ZNF737: variants seen among roughly 807,000 people sequenced by gnomAD.
ZNF737 encodes the protein zinc finger protein 102 (Y3).
ZNF737 carries 13 observed loss-of-function variants against 11.7 expected under a neutral mutation model. The observed-to-expected ratio is 1.11, with a 90% CI of 0.73 to 1.77. The LOEUF (loss-of-function observed/expected upper bound fraction) is 1.77, where lower values mean the gene tolerates loss of function less well. ZNF737 is among the 40% of genes most tolerant of loss of function. The pLI is 0.00. For missense variants in ZNF737, 636 were observed against 638.0 expected (o/e 1.00, Z 0.03); for synonymous variants, 217 against 216.2 (o/e 1.00, Z -0.03).
At chr19:20,530,856 C>A (rs1555752636), downstream of ZNF737, among the ~76,000 whole-genome samples, 1 of 148,316 alleles carries the variant, frequency 6.7e-6, no homozygotes. Context: ...AATCTCTGCA[C>A]TTTGGGGGGC....
chr19:20,552,418 T>C, intron 3 of ZNF737, 57 bp downstream of exon 3: 1 of 1,307,644 alleles, frequency 7.6e-7, no homozygotes. Context: ...GCTTTCTCTT[T>C]GACTTTGGGA....
rs1279195381 is a variant in ZNF737 at position 20,541,196 on chromosome 19, AATAAC to A, written c.*3391_*3395del. ...AGTGTTTAGTTTTGTTAATCACCTA[AATAAC>A]ATAATTTGTTTTGTTGCAGTAATTG... On this transcript the variant is annotated 3_prime_UTR_variant, in exon 4 of 4. Coordinates refer to ENST00000427401, the MANE Select transcript of ZNF737 (RefSeq NM_001159293.2). 1.2e-5 allele frequency: 12 copies of A among 982,988 alleles called. No homozygotes were observed. The highest frequency in any genetic ancestry group is 1.4e-5 in the Non-Finnish European group (12 of 827,898). 60.9% of individuals were successfully genotyped at this position (982,988 alleles called of 1,614,324 possible).
intron 1 of ZNF737, among the ~76,000 whole-genome samples, chr19:20,565,355 A>G (rs1555763531): frequency 6.6e-6 from 1 of 152,148 alleles, no homozygotes; most frequent in African/African-American, 2.4e-5. Flanking sequence ...TGGTCCCTGC[A>G]CATTCTGGGA....
chr19:20,560,908 G>A (rs1369421901), intron 1 of ZNF737, among the ~76,000 whole-genome samples: 8 of 152,144 alleles, frequency 5.3e-5, no homozygotes, highest in African/African-American at 1.4e-4. Context: ...CAGACGCTGC[G>A]GCCTAGTTGA....
Position 20,544,391 on chromosome 19 carries a change from G to C in ZNF737, c.*201C>G, listed in dbSNP as rs918664709. On this transcript the variant is annotated 3_prime_UTR_variant, in exon 4 of 4. Transcript: ENST00000427401. ...TTATCTTATGTCTAGTAAGGGCAGA[G>C]GTGTCCTTAAAGGCTTTGCTGCATT... 2 of 1,428,590 alleles carry C rather than the reference G, an allele frequency of 1.4e-6. No individual in the cohort carries two copies. The highest frequency in any genetic ancestry group is 1.8e-6 in the Non-Finnish European group (2 of 1,097,654). 88.5% of individuals were successfully genotyped at this position (1,428,590 alleles called of 1,614,324 possible).
Position 20,545,525 on chromosome 19 carries a change from C to G in ZNF737, c.678G>C (p.Glu226Asp). The change falls in exon 4 of 4, where the codon GAG (glutamate) becomes GAC (aspartate). Residue 226 changes from glutamate (E) to aspartate (D), a missense_variant. By Grantham distance (45) the Glu-to-Asp change is conservative. Coordinates refer to ENST00000427401, the MANE Select transcript of ZNF737 (RefSeq NM_001159293.2). ...CACAGTCTTCACATTTGTACCGTTT[C>G]TCTCCAGTATGAATTCTCTTATGTG... ...LTTHKRIHTG[E>D]KRYKCEDCGK... 6.2e-7 allele frequency: 1 copy of G among 1,613,562 alleles called. No individual in the cohort carries two copies. The highest frequency in any genetic ancestry group is 2.2e-5 in the East Asian group (1 of 44,842).
chr19:20,560,501 C>G (rs1293353646), intron 1 of ZNF737, among the ~76,000 whole-genome samples: 1 of 151,960 alleles, frequency 6.6e-6, no homozygotes, highest in Non-Finnish European at 1.5e-5. Context: ...AATGCAGAGG[C>G]CTGGCGCAGT....
downstream of ZNF737, among the ~76,000 whole-genome samples, chr19:20,531,369 TG>T (rs1380074484): frequency 6.7e-6 from 1 of 149,960 alleles, no homozygotes; most frequent in Non-Finnish European, 1.5e-5. Context: ...TTATTCTATA[TG>T]GTGTATCTAT....
intron 2 of ZNF737, among the ~76,000 whole-genome samples, chr19:20,552,816 A>AG (rs1387306931): frequency 5.3e-5 from 8 of 152,102 alleles, no homozygotes; most frequent in Non-Finnish European, 1.0e-4. Flanking sequence ...GTTAGAGACC[A>AG]GCCTGGCCAG....
In ZNF737 at chr19:20,545,233, G is replaced by C. The variant is rs879969815; in HGVS notation, c.970C>G (p.His324Asp). 5 of 1,605,618 alleles carry C rather than the reference G, an allele frequency of 3.1e-6. No homozygotes were observed. The South Asian group carries it at 5.5e-5, about 18-fold the overall frequency. The change falls in exon 4 of 4, where the codon CAC becomes GAC. Residue 324 changes from histidine to aspartate, a missense_variant. Physicochemically the swap from His to Asp is moderately conservative, Grantham distance 81. Transcript: ENST00000427401. ...KCEECGKAFK[H>D]PSVLTTHKRI... is the part of the protein sequence containing the mutation. ...TTATGTGTAGTAAGGACAGAGGGGT[G>C]CTTAAAGGCTTTGCCACATTCTTCA... is the stretch of plus-strand genomic sequence containing the variant.
chr19:20,554,803 TA>T (rs1183708355), intron 1 of ZNF737, among the ~76,000 whole-genome samples: 7 of 152,262 alleles, frequency 4.6e-5, no homozygotes, highest in Admixed American at 2.6e-4. Context: ...AGGTATGTCC[TA>T]ATAAGTTTTT....
Position 20,542,824 on chromosome 19 carries a change from CAT to C in ZNF737, c.*1766_*1767del. 1 of 985,328 alleles carries C rather than the reference CAT, an allele frequency of 1.0e-6. No homozygotes were observed. The highest frequency in any genetic ancestry group is 1.2e-6 in the Non-Finnish European group (1 of 829,876). The allele number at this position is 985,328 out of a possible 1,614,324, so 61.0% of individuals were successfully genotyped here. ...TCTCTGATGCAGAAGCCACTGATCA[CAT>C]GCTTTCTCACATGTGAATAGAAATA... On this transcript the variant is annotated 3_prime_UTR_variant, in exon 4 of 4. Coordinates refer to ENST00000427401, the MANE Select transcript of ZNF737 (RefSeq NM_001159293.2).
chr19:20,531,028 C>G (rs1306608261), downstream of ZNF737, among the ~76,000 whole-genome samples: 1 of 147,716 alleles, frequency 6.8e-6, no homozygotes, highest in Non-Finnish European at 1.5e-5. Context: ...GAGCTGGAGA[C>G]TAGCCCGGCC....
chr19:20,549,177 A>G (rs1442679004), intron 3 of ZNF737, among the ~76,000 whole-genome samples: 1 of 152,206 alleles, frequency 6.6e-6, no homozygotes, highest in African/African-American at 2.4e-5. Flanking sequence ...ATATTTATAG[A>G]TAAATACACA....
rs533916660 is a variant in ZNF737 at position 20,544,666 on chromosome 19, C to G, written c.1537G>C (p.Glu513Gln). The change falls in exon 4 of 4, where the codon GAA (glutamate) becomes CAA (glutamine). Residue 513 changes from glutamate (E) to glutamine (Q), a missense_variant. Transcript: ENST00000427401. ...HTGEKPYKCE[E>Q]CGKGFKCPST... Reference sequence around the variant, plus strand: ...GGGCACTTAAAGCCTTTGCCACATTCTTCACATTTGTAGGGTTTCTCTCCA... The same window carrying G: ...GGGCACTTAAAGCCTTTGCCACATTGTTCACATTTGTAGGGTTTCTCTCCA... 10 of 1,609,064 alleles carry G rather than the reference C, an allele frequency of 6.2e-6. No homozygotes were observed. Among genetic ancestry groups the G allele is most frequent in the Non-Finnish European group, 8.5e-6 (10 of 1,177,758 alleles).
Position 20,552,481 on chromosome 19 carries a change from G to A in ZNF737, c.220C>T (p.Pro74Ser). Reference protein sequence around the residue: ...TMKKHEMVANPSVTCSHFARD... With the variant: ...TMKKHEMVANSSVTCSHFARD... ...CATTTTCACTTGCACCTACCTGAGG[G>A]GTTGGCTACCATCTCATGTTTCTTC... Residue 74 changes from proline (P) to serine (S), a missense_variant, in exon 3 of 4, where the codon CCC becomes TCC. Coordinates refer to ENST00000427401, the MANE Select transcript of ZNF737 (RefSeq NM_001159293.2). 1 of 1,586,228 alleles carries A rather than the reference G, an allele frequency of 6.3e-7. No individual in the cohort carries two copies. Among genetic ancestry groups the A allele is most frequent in the South Asian group, 1.2e-5 (1 of 85,834 alleles).
intron 1 of ZNF737, among the ~76,000 whole-genome samples, chr19:20,556,873 A>G (rs1373794891): frequency 2.0e-5 from 3 of 152,236 alleles, no homozygotes; most frequent in Non-Finnish European, 2.9e-5. Flanking sequence ...TGCTGGGTAT[A>G]ACACATTAGG....
At chr19:20,535,416 G>A (rs1412493997), downstream of ZNF737, among the ~76,000 whole-genome samples, 2 of 152,000 alleles carry the variant, frequency 1.3e-5, no homozygotes, top group Admixed American at 6.6e-5. Context: ...ACAATGAAAT[G>A]CTATTCAGCC....
rs1451355681 is a variant in ZNF737 at position 20,538,399 on chromosome 19, CTT to C, written c.*6191_*6192del. Among the ~76,000 whole-genome samples the C allele has an allele frequency of 2.0e-5, 3 of 152,096 alleles. No individual in the cohort carries two copies. Among genetic ancestry groups the C allele is most frequent in the Non-Finnish European group, 4.4e-5 (3 of 68,032 alleles). On this transcript the variant is annotated 3_prime_UTR_variant, in exon 4 of 4. Transcript: ENST00000427401. ...CCTTTGTTCTCCTCTGCCTTTGTCT[CTT>C]TTAAAAAGTTCTAAGTTGCTAAACA...
Sources: gnomAD v4.1 joint callset for allele counts (sites outside exome capture counted in the v4.1 genomes callset) on GRCh38, gnomAD v4.1.1 for gene constraint, MANE v1.5 for transcripts, NCBI Gene and HGNC (gene_info 2026-07-23, HGNC 2026-07-21) for gene names.